The following DTNB variants were observed in gnomAD, a reference collection of about 807,000 sequenced individuals.
DTNB encodes the protein DTN-B.
DTNB carries 63 observed loss-of-function variants against 90.7 expected under a neutral mutation model. That is an observed-to-expected ratio of 0.69 (90% CI 0.57 to 0.86). DTNB has a LOEUF of 0.86. Among genes scored for constraint, DTNB ranks in the 40% least tolerant of loss-of-function variants. DTNB has a pLI of 0.00. For missense variants in DTNB, 744 were observed against 807.1 expected (o/e 0.92, Z 0.95); for synonymous variants, 277 against 286.7 (o/e 0.97, Z 0.34).
At chr2:25,502,142 A>AC (rs1558785921) in intron 9 of DTNB, among the ~76,000 whole-genome samples, 1 of 152,016 alleles carries the variant, frequency 6.6e-6, no homozygotes, top group Non-Finnish European at 1.5e-5. Context: ...CCGTGATTGC[A>AC]CCACTGCACT....
intron 6 of DTNB, among the ~76,000 whole-genome samples, chr2:25,593,494 T>C (rs533095566): frequency 4.9e-4 from 74 of 152,374 alleles, no homozygotes; most frequent in African/African-American, 1.8e-3. Flanking sequence ...GTGATTTCTA[T>C]TTCCCCTGAG....
In DTNB at chr2:25,483,729, G is replaced by C. The variant is rs558891756; in HGVS notation, c.1002-856C>G. On this transcript the variant is annotated intron_variant, in intron 9 of 20. Coordinates refer to ENST00000406818, the MANE Select transcript of DTNB (RefSeq NM_021907.5). Reference sequence around the variant, plus strand: ...TTCAACCCCTCTCCCTCCCTACCAGGTTCAGCTACAAAAGGGTTCTGTCTT... The same window carrying C: ...TTCAACCCCTCTCCCTCCCTACCAGCTTCAGCTACAAAAGGGTTCTGTCTT... Among the ~76,000 whole-genome samples the C allele has an allele frequency of 5.3e-5, 8 of 152,164 alleles. No homozygotes were observed. In the South Asian group the frequency reaches 1.7e-3, roughly 32 times the overall value.
At chr2:25,446,026 C>T (rs1389322082) in intron 12 of DTNB, among the ~76,000 whole-genome samples, 1 of 151,346 alleles carries the variant, frequency 6.6e-6, no homozygotes, top group Non-Finnish European at 1.5e-5. Flanking sequence ...TAATGACTGG[C>T]ACAAAGTAAA....
chr2:25,379,252 G>A, intron 20 of DTNB, 38 bp downstream of exon 20: 4 of 1,312,204 alleles, frequency 3.0e-6, no homozygotes, highest in Non-Finnish European at 3.9e-6. Context: ...AGGAAGGAGG[G>A]AGGGGCCGTG....
intron 14 of DTNB, among the ~76,000 whole-genome samples, chr2:25,432,042 T>A (rs563795985): frequency 1.3e-5 from 2 of 152,040 alleles, no homozygotes; most frequent in South Asian, 4.2e-4. Context: ...AAAACAATAA[T>A]CTCCATTCTC....
At chr2:25,385,943 C>T (rs916307831) in intron 18 of DTNB, 47 of 900,770 alleles carry the variant, frequency 5.2e-5, no homozygotes, top group South Asian at 1.5e-4. Flanking sequence ...TCCCATGGCC[C>T]GAAATTCCCT....
intron 8 of DTNB, among the ~76,000 whole-genome samples, chr2:25,566,038 C>G (rs2058975600): frequency 6.6e-6 from 1 of 152,040 alleles, no homozygotes; most frequent in African/African-American, 2.4e-5. Flanking sequence ...TGTTATAAGG[C>G]AAAAGGGAGA....
intron 1 of DTNB, among the ~76,000 whole-genome samples, chr2:25,672,029 G>A (rs932547784): frequency 2.6e-5 from 4 of 151,906 alleles, no homozygotes; most frequent in African/African-American, 9.7e-5. Flanking sequence ...AAAAGCCAAT[G>A]GGAGAAGGAA....
At chr2:25,451,786 A>T (rs985821092) in intron 11 of DTNB, among the ~76,000 whole-genome samples, 151 bp from the exon 12 acceptor site, 1 of 152,250 alleles carries the variant, frequency 6.6e-6, no homozygotes, top group Non-Finnish European at 1.5e-5. Context: ...GTCTTCTGAA[A>T]AAAAGGGGAT....
chr2:25,413,076 A>T (rs2046985491), intron 16 of DTNB, among the ~76,000 whole-genome samples: 1 of 152,166 alleles, frequency 6.6e-6, no homozygotes, highest in Admixed American at 6.5e-5. Flanking sequence ...CATTTTATAG[A>T]TTATTATCTT....
chr2:25,426,133 T>C (rs1014091161), intron 15 of DTNB, among the ~76,000 whole-genome samples: 11 of 152,212 alleles, frequency 7.2e-5, no homozygotes, highest in African/African-American at 2.2e-4. Context: ...CTGATTAGAA[T>C]GGTTTAATTA....
At chr2:25,459,677 A>G (rs1235800566) in intron 10 of DTNB, among the ~76,000 whole-genome samples, 4 of 152,086 alleles carry the variant, frequency 2.6e-5, no homozygotes, top group African/African-American at 4.8e-5. Context: ...TATTTTTAGT[A>G]GAGACAGGGT....
intron 12 of DTNB, among the ~76,000 whole-genome samples, chr2:25,434,662 T>C (rs948942818): frequency 2.0e-5 from 3 of 152,138 alleles, no homozygotes; most frequent in Non-Finnish European, 4.4e-5. Flanking sequence ...CAAATGAAGA[T>C]GCTATGAACT....
intron 4 of DTNB, among the ~76,000 whole-genome samples, chr2:25,611,419 T>C (rs1378481946): frequency 6.6e-6 from 1 of 152,096 alleles, no homozygotes; most frequent in Non-Finnish European, 1.5e-5. Context: ...ATTCTAAGGA[T>C]TATATACAAT....
chr2:25,620,361 A>T (rs2072186444), intron 4 of DTNB, among the ~76,000 whole-genome samples: 2 of 152,200 alleles, frequency 1.3e-5, no homozygotes, highest in South Asian at 4.1e-4. Context: ...TGTCTTGATC[A>T]GATTAATTTC....
chr2:25,600,024 G>T (rs139069000), intron 5 of DTNB, among the ~76,000 whole-genome samples: 1 of 152,318 alleles, frequency 6.6e-6, no homozygotes, highest in East Asian at 1.9e-4. Flanking sequence ...CTTGAGTGCA[G>T]AAGTTGGGGG....
intron 9 of DTNB, chr2:25,497,453 C>T (rs747340104): frequency 3.3e-5 from 5 of 152,164 alleles, no homozygotes; most frequent in Non-Finnish European, 7.3e-5. Context: ...GCCTACAGAA[C>T]TGTGTCTGCC....
intron 16 of DTNB, among the ~76,000 whole-genome samples, chr2:25,405,605 GTTGTT>G (rs2044918601): frequency 6.6e-6 from 1 of 150,512 alleles, no homozygotes; most frequent in Non-Finnish European, 1.5e-5. Flanking sequence ...TTGTTTTGTT[GTTGTT>G]TTTTTTTTCA....
intron 1 of DTNB, among the ~76,000 whole-genome samples, 200 bp downstream of exon 1, chr2:25,673,186 C>A (rs1047487043): frequency 6.6e-6 from 1 of 151,608 alleles, no homozygotes; most frequent in Non-Finnish European, 1.5e-5. Context: ...CGGGGCTAGC[C>A]GCGCCGTCCC....
Sources: gnomAD v4.1 joint callset for allele counts (sites outside exome capture counted in the v4.1 genomes callset) on GRCh38, gnomAD v4.1.1 for gene constraint, MANE v1.5 for transcripts, NCBI Gene and HGNC (gene_info 2026-07-23, HGNC 2026-07-21) for gene names.